SNX25: variants seen among roughly 807,000 people sequenced by gnomAD.
SNX25 encodes the protein sorting nexin-25.
Under a neutral mutation model 113.7 loss-of-function variants are expected in SNX25, and 62 were observed. The observed-to-expected ratio is 0.55, with a 90% CI of 0.44 to 0.67. SNX25 has a LOEUF of 0.67. SNX25 is among the 30% of genes least tolerant of loss of function. SNX25 has a pLI of 0.00. For synonymous variants in SNX25, 421 were observed against 436.2 expected (o/e 0.97, Z 0.43); for missense variants, 1,014 against 1,161.0 (o/e 0.87, Z 1.84).
chr4:185,207,347 G>C (rs1203303531), upstream of SNX25, among the ~76,000 whole-genome samples: 55 of 150,606 alleles, frequency 3.7e-4, no homozygotes, highest in Non-Finnish European at 5.9e-5. Flanking sequence ...CTCCCGAGTA[G>C]CTGGGACTAC....
At chr4:185,353,819 G>T (rs571978653) in intron 15 of SNX25, among the ~76,000 whole-genome samples, 4 of 152,314 alleles carry the variant, frequency 2.6e-5, no homozygotes, top group African/African-American at 9.6e-5. Context: ...GCCAAGGCGG[G>T]TGGATCATGA....
intron 6 of SNX25, among the ~76,000 whole-genome samples, chr4:185,306,970 G>T (rs1382142600): frequency 1.3e-5 from 2 of 152,254 alleles, no homozygotes; most frequent in East Asian, 1.9e-4. Flanking sequence ...CACAAGTTCA[G>T]AAACCATTAT....
In SNX25 at chr4:185,271,450, T is replaced by C. The variant is rs1748918779; in HGVS notation, c.1091+4295T>C. Among the ~76,000 whole-genome samples, 3 of 152,216 alleles carry C rather than the reference T, an allele frequency of 2.0e-5. No individual in the cohort carries two copies. In the South Asian group the frequency reaches 6.2e-4, roughly 32 times the overall value. On this transcript the variant is annotated intron_variant, in intron 5 of 18. Coordinates refer to ENST00000652585, the MANE Select transcript of SNX25 (RefSeq NM_001378034.2). ...ACGCCAGCACGCCTAATTTTTGCCATGTTGGCCAGGCTGGTCTTGAACTCC... is the reference window on the plus strand; with the variant it reads ...ACGCCAGCACGCCTAATTTTTGCCACGTTGGCCAGGCTGGTCTTGAACTCC...
intron 13 of SNX25, among the ~76,000 whole-genome samples, chr4:185,350,642 C>T (rs1322887959): frequency 2.0e-5 from 3 of 152,126 alleles, no homozygotes; most frequent in Non-Finnish European, 4.4e-5. Flanking sequence ...GCGGGCAGAT[C>T]ACGAGGTCAG....
upstream of SNX25, among the ~76,000 whole-genome samples, chr4:185,207,120 C>T (rs1402334635): frequency 6.6e-6 from 1 of 151,098 alleles, no homozygotes; most frequent in Non-Finnish European, 1.5e-5. Context: ...CAGGGGCAAT[C>T]TTCTTGGGAA....
intron 13 of SNX25, among the ~76,000 whole-genome samples, chr4:185,348,205 C>A (rs2095297675): frequency 6.6e-6 from 1 of 152,070 alleles, no homozygotes; most frequent in South Asian, 2.1e-4. Flanking sequence ...TCTTAAAGCC[C>A]TGAAGTTCTC....
At chr4:185,243,167 C>T (rs1334844850) in intron 1 of SNX25, among the ~76,000 whole-genome samples, 2 of 152,156 alleles carry the variant, frequency 1.3e-5, no homozygotes, top group Admixed American at 6.5e-5. Context: ...AACCCATCTC[C>T]CTTGCAATTT....
intron 5 of SNX25, among the ~76,000 whole-genome samples, chr4:185,274,059 C>T (rs1412336194): frequency 2.7e-5 from 4 of 150,812 alleles, no homozygotes; most frequent in South Asian, 2.1e-4. Flanking sequence ...AGGTTATACA[C>T]GGGCTTTTTT....
At chr4:185,308,719 A>G (rs1428567033) in intron 6 of SNX25, among the ~76,000 whole-genome samples, 3 of 152,146 alleles carry the variant, frequency 2.0e-5, no homozygotes, top group African/African-American at 7.2e-5. Flanking sequence ...GGATATATTT[A>G]CGATCTCCCT....
intron 15 of SNX25, among the ~76,000 whole-genome samples, chr4:185,356,321 T>C (rs957623678): frequency 3.9e-5 from 6 of 152,118 alleles, no homozygotes; most frequent in African/African-American, 1.4e-4. Context: ...AAATAACCCC[T>C]TGGTCGTCAG....
At chr4:185,303,202 G>T (rs1294606019) in intron 6 of SNX25, among the ~76,000 whole-genome samples, 1 of 152,176 alleles carries the variant, frequency 6.6e-6, no homozygotes, top group African/African-American at 2.4e-5. Flanking sequence ...AGTTCCGGGT[G>T]TATATCTCAA....
intron 6 of SNX25, among the ~76,000 whole-genome samples, chr4:185,309,729 A>G (rs1754981437): frequency 6.6e-6 from 1 of 152,162 alleles, no homozygotes; most frequent in South Asian, 2.1e-4. Flanking sequence ...TTGTACTGCA[A>G]TGGTCTTCTA....
intron 5 of SNX25, among the ~76,000 whole-genome samples, chr4:185,280,096 A>AT (rs1260257122): frequency 2.0e-5 from 3 of 151,992 alleles, no homozygotes; most frequent in African/African-American, 7.2e-5. Context: ...CGCCAGGATA[A>AT]TTTTTGTATT....
At chr4:185,226,506 A>G (rs890870917) in intron 1 of SNX25, among the ~76,000 whole-genome samples, 2 of 152,244 alleles carry the variant, frequency 1.3e-5, no homozygotes, top group African/African-American at 4.8e-5. Flanking sequence ...GCTGGGGTGC[A>G]GTGGCACAAT....
chr4:185,363,769 T>C lies in SNX25; in HGVS notation c.*304T>C, dbSNP rs1046135803. The C allele has an allele frequency of 2.3e-4, 51 of 224,228 alleles. No homozygotes were observed. The highest frequency in any genetic ancestry group is 1.1e-3 in the African/African-American group (50 of 44,310). The allele number at this position is 224,228 out of a possible 1,614,324, so 13.9% of individuals were successfully genotyped here. On this transcript the variant is annotated 3_prime_UTR_variant, in exon 19 of 19. Transcript: ENST00000652585. The surrounding 1 kb of genome is among the most constrained non-coding windows in gnomAD (Gnocchi z 4.2). ...TTTAAATATTTATGAAAATATTTTGTTTTAAAATGAACTATGAATATTGTA... is the reference window on the plus strand; with the variant it reads ...TTTAAATATTTATGAAAATATTTTGCTTTAAAATGAACTATGAATATTGTA...
intron 6 of SNX25, among the ~76,000 whole-genome samples, chr4:185,291,614 C>T (rs1157160668): frequency 6.6e-6 from 1 of 152,226 alleles, no homozygotes; most frequent in Non-Finnish European, 1.5e-5. Flanking sequence ...TCTGAATGCG[C>T]TGGGGGAGCC....
intron 3 of SNX25, among the ~76,000 whole-genome samples, chr4:185,263,747 A>T (rs186256409): frequency 7.4e-4 from 112 of 152,290 alleles, no homozygotes; most frequent in African/African-American, 2.5e-3. Flanking sequence ...CATCTAGAAC[A>T]TATTAGAAAA....
intron 1 of SNX25, among the ~76,000 whole-genome samples, chr4:185,218,301 T>G (rs955955868): frequency 5.9e-5 from 9 of 152,218 alleles, no homozygotes; most frequent in Non-Finnish European, 1.5e-5. Flanking sequence ...GCCAGGCTGG[T>G]CTCGAACTCC....
Position 185,363,284 on chromosome 4 carries a change from C to T in SNX25, c.2935-101C>T. The T allele has an allele frequency of 9.7e-7, 1 of 1,030,204 alleles. No homozygotes were observed. The highest frequency in any genetic ancestry group is 1.5e-6 in the Non-Finnish European group (1 of 684,904). 63.8% of individuals were successfully genotyped at this position (1,030,204 alleles called of 1,614,324 possible). A position where few individuals can be genotyped will look rare whatever the true frequency, so the allele number is the denominator to read the frequency against. On this transcript the variant is annotated intron_variant, in intron 18 of 18. Coordinates refer to ENST00000652585, the MANE Select transcript of SNX25 (RefSeq NM_001378034.2). This position sits in a 1 kb window ranked among gnomAD's most constrained non-coding sequence, Gnocchi z 4.2. ...AGTTACTTGTTTACTGAGATAATTTCAGACCTAAAATTAGACTTTTCTCTT... is the reference window on the plus strand; with the variant it reads ...AGTTACTTGTTTACTGAGATAATTTTAGACCTAAAATTAGACTTTTCTCTT...
Sources: gnomAD v4.1 joint callset for allele counts (sites outside exome capture counted in the v4.1 genomes callset) on GRCh38, gnomAD v4.1.1 for gene constraint, Gnocchi (gnomAD v3.1) non-coding constraint, MANE v1.5 for transcripts, NCBI Gene and HGNC (gene_info 2026-07-23, HGNC 2026-07-21) for gene names.